The following NFAT5 variants were observed in gnomAD, a reference collection of about 807,000 sequenced individuals.
NFAT5 encodes the protein nuclear factor of activated T-cells 5.
Under a neutral mutation model 166.5 loss-of-function variants are expected in NFAT5, and 31 were observed. The ratio of observed to expected loss-of-function variants is 0.19; its 90% CI spans 0.14 to 0.25. The LOEUF is 0.25. NFAT5 is among the 10% of genes least tolerant of loss of function. The probability of loss-of-function intolerance (pLI) is 1.00; values close to 1 mark genes in which losing one functional copy is unlikely to be tolerated. For missense variants in NFAT5, 1,449 were observed against 1,821.8 expected (o/e 0.80, Z 3.72); for synonymous variants, 612 against 639.7 (o/e 0.96, Z 0.65).
At position 69,696,784 on chromosome 16, in the gene NFAT5, G is replaced by T. The variant is rs764472739; in HGVS notation, c.*433G>T. ...AAGTAATGGCTTTTGAAAAAGTAAA[G>T]TTCAATAATAACTAAGGCTGTGATT... On this transcript the variant is annotated 3_prime_UTR_variant, in exon 15 of 15. Coordinates refer to ENST00000349945, the MANE Select transcript of NFAT5 (RefSeq NM_138713.4). 4 of 152,500 alleles carry T rather than the reference G, an allele frequency of 2.6e-5. No homozygotes were observed. Among genetic ancestry groups the T allele is most frequent in the Non-Finnish European group, 4.4e-5 (3 of 68,002 alleles). The allele number at this position is 152,500 out of a possible 1,614,324, so 9.4% of individuals were successfully genotyped here.
Position 69,655,624 on chromosome 16 carries a change from G to C in NFAT5, c.1021G>C (p.Glu341Gln). The part of the protein sequence containing the change: ...FPTVKLEGHN[E>Q]PVVLQVFVGN... ...CTGGTTTCAGCTGGAAGGCCATAAT[G>C]AACCTGTAGTGTTGCAAGTGTTTGT... The change falls in exon 6 of 15, where the codon GAA becomes CAA. Residue 341 changes from glutamate (E) to glutamine (Q), a missense_variant. By Grantham distance (29) the Glu-to-Gln change is conservative. Transcript: ENST00000349945. The C allele has an allele frequency of 6.2e-7, 1 of 1,603,866 alleles. No individual in the cohort carries two copies. Among genetic ancestry groups the C allele is most frequent in the South Asian group, 1.1e-5 (1 of 89,082 alleles).
At chr16:69,628,320 T>C (rs1212572358) in intron 3 of NFAT5, among the ~76,000 whole-genome samples, 1 of 152,048 alleles carries the variant, frequency 6.6e-6, no homozygotes, top group Non-Finnish European at 1.5e-5. Context: ...AGAAATCTAA[T>C]TAAAAGAAGT....
At chr16:69,648,837 AT>A in intron 4 of NFAT5, 4 of 937,018 alleles carry the variant, frequency 4.3e-6, no homozygotes, top group Non-Finnish European at 5.1e-6. Context: ...TTGGTTAAAA[AT>A]TCAGTTGAAT....
At chr16:69,568,693 C>T (rs1030009123) in intron 2 of NFAT5, 145 bp downstream of exon 2, 75 of 547,128 alleles carry the variant, frequency 1.4e-4, no homozygotes, top group Non-Finnish European at 1.7e-4. Flanking sequence ...TTTAGAGCAG[C>T]TGAATGTTTC....
chr16:69,649,774 G>C (rs1456003998), intron 4 of NFAT5, among the ~76,000 whole-genome samples: 1 of 151,730 alleles, frequency 6.6e-6, no homozygotes, highest in East Asian at 1.9e-4. Context: ...TGAGAGATAA[G>C]GATATAGCCT....
At chr16:69,593,739 T>A (rs1391975490) in intron 2 of NFAT5, among the ~76,000 whole-genome samples, 2 of 152,206 alleles carry the variant, frequency 1.3e-5, no homozygotes, top group Admixed American at 1.3e-4. Context: ...GGAAATATGG[T>A]AAATTTAATT....
chr16:69,641,977 T>C (rs899538426), intron 3 of NFAT5, among the ~76,000 whole-genome samples: 1 of 152,024 alleles, frequency 6.6e-6, no homozygotes, highest in Non-Finnish European at 1.5e-5. Flanking sequence ...TGCATACCTG[T>C]AGTCCTAGCT....
intron 4 of NFAT5, chr16:69,648,938 TA>T: frequency 1.0e-6 from 1 of 974,448 alleles, no homozygotes; most frequent in African/African-American, 1.8e-5. Context: ...CTTTAAGCAA[TA>T]ATTACTCTAC....
chr16:69,629,096 T>C (rs1349366329), intron 3 of NFAT5, among the ~76,000 whole-genome samples: 2 of 151,954 alleles, frequency 1.3e-5, no homozygotes, highest in Non-Finnish European at 2.9e-5. Context: ...AGAAAAAATA[T>C]GAAATGTGTA....
chr16:69,696,838 G>GC lies in NFAT5; in HGVS notation c.*489dup, dbSNP rs1257264515. ...TTCAATATAAAAGGCACAGCTGTTG[G>GC]CCAAAGTGAAGGAATCTTTTTTCAG... On this transcript the variant is annotated 3_prime_UTR_variant, in exon 15 of 15. Coordinates refer to ENST00000349945, the MANE Select transcript of NFAT5 (RefSeq NM_138713.4). The GC allele has an allele frequency of 7.2e-5, 11 of 152,488 alleles. No individual in the cohort carries two copies. 9.4% of individuals were successfully genotyped at this position (152,488 alleles called of 1,614,324 possible).
intron 10 of NFAT5, among the ~76,000 whole-genome samples, chr16:69,677,613 A>G (rs1157526467): frequency 2.0e-5 from 3 of 152,218 alleles, no homozygotes; most frequent in Non-Finnish European, 1.5e-5. Flanking sequence ...TTACTCCTCC[A>G]TAAGAATTTC....
chr16:69,626,103 C>G (rs1007543760), intron 2 of NFAT5, among the ~76,000 whole-genome samples: 2 of 148,892 alleles, frequency 1.3e-5, no homozygotes, highest in Admixed American at 1.3e-4. Context: ...ATCACCACGC[C>G]TGGCTGATTA....
At position 69,565,969 on chromosome 16, in the gene NFAT5, T is replaced by G. The variant is rs927284084; in HGVS notation, c.-333T>G. 32 of 293,098 alleles carry G rather than the reference T, an allele frequency of 1.1e-4. No homozygotes were observed. The highest frequency in any genetic ancestry group is 2.0e-4 in the Non-Finnish European group (31 of 156,768). 18.2% of individuals were successfully genotyped at this position (293,098 alleles called of 1,614,324 possible). ...GTGCCCCACGGGGGCGGGGCTCAGA[T>G]TCCTGTCAGCGGCGGCGGCGGTGGC... is the stretch of plus-strand genomic sequence containing the variant. On this transcript the variant is annotated 5_prime_UTR_variant, in exon 1 of 15. Transcript: ENST00000349945.
chr16:69,643,990 G>A (rs1331444803), intron 3 of NFAT5, among the ~76,000 whole-genome samples: 1 of 152,136 alleles, frequency 6.6e-6, no homozygotes, highest in African/African-American at 2.4e-5. Flanking sequence ...ATAGTACCAT[G>A]GTAAAGAATT....
At chr16:69,658,036 A>C (rs113939098) in intron 6 of NFAT5, among the ~76,000 whole-genome samples, 2,810 of 151,092 alleles carry the variant, frequency 0.019, 95 homozygotes, top group African/African-American at 0.06. Flanking sequence ...GCGAGCCAAG[A>C]TCGCTCCACT....
intron 2 of NFAT5, among the ~76,000 whole-genome samples, chr16:69,607,022 T>C (rs928945608): frequency 1.3e-5 from 2 of 152,220 alleles, no homozygotes; most frequent in East Asian, 1.9e-4. Flanking sequence ...GCAGAAATTA[T>C]AGTTTTTATT....
At chr16:69,667,228 C>T (rs9746351) in intron 7 of NFAT5, among the ~76,000 whole-genome samples, 2,712 of 149,940 alleles carry the variant, frequency 0.018, 87 homozygotes, top group African/African-American at 0.059. Context: ...TGCTAGATGA[C>T]GAGTTAGTGG....
chr16:69,640,717 C>A (rs989983708), intron 3 of NFAT5, among the ~76,000 whole-genome samples: 1 of 152,190 alleles, frequency 6.6e-6, no homozygotes, highest in African/African-American at 2.4e-5. Flanking sequence ...CACAGTGGTT[C>A]ACGCCTGTAA....
intron 10 of NFAT5, among the ~76,000 whole-genome samples, chr16:69,683,320 T>A (rs1342756498): frequency 6.6e-6 from 1 of 152,168 alleles, no homozygotes; most frequent in Non-Finnish European, 1.5e-5. Flanking sequence ...TTGCTTGTGC[T>A]CAGCAGTTTG....
Sources: allele counts gnomAD v4.1 joint callset (sites outside exome capture counted in the v4.1 genomes callset), GRCh38; gene constraint gnomAD v4.1.1; transcripts MANE v1.5; gene names NCBI Gene and HGNC (gene_info 2026-07-23, HGNC 2026-07-21).